Variants in NOS1AP observed in about 807,000 individuals in gnomAD.
NOS1AP encodes the protein nitric oxide synthase 1 adaptor protein, also known as carboxyl-terminal PDZ ligand of neuronal nitric oxide synthase protein.
In NOS1AP, 21 loss-of-function variants were observed where a neutral mutation model predicts 56.2. The observed-to-expected ratio is 0.37, with a 90% confidence interval of 0.26 to 0.54. The LOEUF is 0.54. Among genes scored for constraint, NOS1AP ranks in the 20% least tolerant of loss-of-function variants. The probability of loss-of-function intolerance (pLI) is 0.84; values close to 1 mark genes in which losing one functional copy is unlikely to be tolerated. For missense variants in NOS1AP, 522 were observed against 657.8 expected, an observed-to-expected ratio of 0.79 and a Z score of 2.26; for synonymous variants, 270 against 274.6, an observed-to-expected ratio of 0.98 and a Z score of 0.17.
chr1:162,158,188 T>C (rs532689780), intron 2 of NOS1AP, among the ~76,000 whole-genome samples: 1 of 152,294 alleles, frequency 6.6e-6, no homozygotes, highest in Non-Finnish European at 1.5e-5. Context: ...GAACTACCTT[T>C]CTACTCTCTG....
intron 2 of NOS1AP, among the ~76,000 whole-genome samples, chr1:162,169,359 T>C (rs1650653154): frequency 6.6e-6 from 1 of 152,234 alleles, no homozygotes; most frequent in Non-Finnish European, 1.5e-5. Flanking sequence ...AGTAAGAGTT[T>C]GGCTGCCTTT....
chr1:162,290,824 G>T (rs1371595825), intron 3 of NOS1AP, among the ~76,000 whole-genome samples: 1 of 152,138 alleles, frequency 6.6e-6, no homozygotes, highest in Non-Finnish European at 1.5e-5. Context: ...TTCAGTCCTG[G>T]CTCTACCCTT....
chr1:162,225,625 C>A (rs181566677), intron 2 of NOS1AP, among the ~76,000 whole-genome samples: 3 of 152,190 alleles, frequency 2.0e-5, no homozygotes, highest in Admixed American at 2.0e-4. Context: ...TGTTGTCCCA[C>A]GATCCATTTC....
intron 2 of NOS1AP, among the ~76,000 whole-genome samples, chr1:162,231,504 G>C (rs1653123449): frequency 6.6e-6 from 1 of 152,136 alleles, no homozygotes; most frequent in East Asian, 1.9e-4. Flanking sequence ...ATTTATTTAT[G>C]TTTTTGTTGC....
At chr1:162,195,760 C>G (rs1651786088) in intron 2 of NOS1AP, among the ~76,000 whole-genome samples, 1 of 152,048 alleles carries the variant, frequency 6.6e-6, no homozygotes, top group Non-Finnish European at 1.5e-5. Context: ...TGACGCATAC[C>G]CTAATCACTC....
chr1:162,217,130 C>T (rs982335852), intron 2 of NOS1AP, among the ~76,000 whole-genome samples: 7 of 151,906 alleles, frequency 4.6e-5, no homozygotes, highest in African/African-American at 1.7e-4. Context: ...TCTATGTTTC[C>T]ACTCTTTCAC....
intron 3 of NOS1AP, among the ~76,000 whole-genome samples, chr1:162,298,945 T>C (rs1457006285): frequency 2.6e-5 from 4 of 152,224 alleles, no homozygotes; most frequent in Non-Finnish European, 5.9e-5. Context: ...GCTAACTGCG[T>C]TAAATTAAAA....
Position 162,172,800 on chromosome 1 carries a change from A to G in NOS1AP, c.177+18324A>G, listed in dbSNP as rs151227488. On this transcript the variant is annotated intron_variant, in intron 2 of 9. Transcript: ENST00000361897. ...ATGGTCATGAATCATTTAAATATGAATCATTTAAATAACTATGCTGATGTT... is the reference window on the plus strand; with the variant it reads ...ATGGTCATGAATCATTTAAATATGAGTCATTTAAATAACTATGCTGATGTT... 1.2e-4 allele frequency among the ~76,000 whole-genome samples: 18 copies of G among 152,298 alleles called. No homozygotes were observed. In the East Asian group the frequency reaches 3.5e-3, roughly 29 times the overall value.
intron 5 of NOS1AP, among the ~76,000 whole-genome samples, chr1:162,339,619 T>C (rs1334653718): frequency 6.6e-6 from 1 of 152,194 alleles, no homozygotes; most frequent in Non-Finnish European, 1.5e-5. Flanking sequence ...CATAAAAACT[T>C]CTGGAAGGGA....
chr1:162,237,564 C>T (rs1653340628), intron 2 of NOS1AP, among the ~76,000 whole-genome samples: 1 of 152,180 alleles, frequency 6.6e-6, no homozygotes, highest in African/African-American at 2.4e-5. Flanking sequence ...GACTTTAACA[C>T]ACCTATGATT....
chr1:162,186,418 CA>C (rs555138575), intron 2 of NOS1AP, among the ~76,000 whole-genome samples: 3 of 148,638 alleles, frequency 2.0e-5, no homozygotes, highest in Non-Finnish European at 4.5e-5. Flanking sequence ...CAAAACAAAA[CA>C]AAAAAAAACA....
chr1:162,365,331 G>A (rs894132270), intron 8 of NOS1AP, 73 bp from the exon 9 acceptor site: 10 of 1,606,974 alleles, frequency 6.2e-6, no homozygotes, highest in East Asian at 2.2e-5. Flanking sequence ...CCATCTGCCA[G>A]TGACTCTCAT....
At chr1:162,166,378 G>A (rs374448165) in intron 2 of NOS1AP, among the ~76,000 whole-genome samples, 11 of 152,328 alleles carry the variant, frequency 7.2e-5, no homozygotes, top group African/African-American at 2.2e-4. Flanking sequence ...TTATAGGTCC[G>A]CTGTGCCTTG....
chr1:162,106,340 A>G (rs183173206), intron 1 of NOS1AP, among the ~76,000 whole-genome samples: 98 of 152,318 alleles, frequency 6.4e-4, no homozygotes, highest in Non-Finnish European at 1.2e-3. Flanking sequence ...GAACTCAGAT[A>G]TCTCAGTTGA....
At chr1:162,329,769 A>G (rs778742771) in intron 4 of NOS1AP, among the ~76,000 whole-genome samples, 124 of 152,216 alleles carry the variant, frequency 8.1e-4, no homozygotes, top group Non-Finnish European at 1.5e-3. Context: ...TAGTTTGTTG[A>G]TGAATGAGGT....
At chr1:162,302,668 G>T (rs991782415) in intron 4 of NOS1AP, among the ~76,000 whole-genome samples, 1 of 152,116 alleles carries the variant, frequency 6.6e-6, no homozygotes, top group Non-Finnish European at 1.5e-5. Context: ...CTTCATTGAG[G>T]TATAATTGGC....
At chr1:162,078,383 T>C (rs1478433628) in intron 1 of NOS1AP, among the ~76,000 whole-genome samples, 2 of 152,222 alleles carry the variant, frequency 1.3e-5, no homozygotes, top group African/African-American at 4.8e-5. Flanking sequence ...CTTGTATTCT[T>C]TGATTTAACA....
At chr1:162,075,296 A>G (rs1289826398) in intron 1 of NOS1AP, among the ~76,000 whole-genome samples, 1 of 152,202 alleles carries the variant, frequency 6.6e-6, no homozygotes, top group Non-Finnish European at 1.5e-5. Flanking sequence ...AGCAGTAAAT[A>G]TCATTGCTGA....
intron 1 of NOS1AP, among the ~76,000 whole-genome samples, chr1:162,092,134 C>T (rs1306622763): frequency 5.3e-5 from 8 of 152,202 alleles, no homozygotes; most frequent in Admixed American, 3.9e-4. Context: ...AGGCCACATT[C>T]CAGTCTCTCA....
Sources: allele counts gnomAD v4.1 joint callset (sites outside exome capture counted in the v4.1 genomes callset), GRCh38; gene constraint gnomAD v4.1.1; transcripts MANE v1.5; gene names NCBI Gene and HGNC (gene_info 2026-07-23, HGNC 2026-07-21).